The following TEX15 variants were observed in gnomAD, a reference collection of about 807,000 sequenced individuals.
The protein encoded by TEX15 is testis-expressed protein 15.
TEX15 carries 171 observed loss-of-function variants against 237.3 expected under a neutral mutation model. The observed-to-expected ratio is 0.72, with a 90% CI of 0.64 to 0.82. The LOEUF (loss-of-function observed/expected upper bound fraction) is 0.82. Among genes scored for constraint, TEX15 ranks in the 40% least tolerant of loss-of-function variants. The probability of loss-of-function intolerance (pLI) is 0.00; values close to 1 mark genes in which losing one functional copy is unlikely to be tolerated. For synonymous variants in TEX15, 1,338 were observed against 1,269.8 expected (o/e 1.05, Z -1.14); for missense variants, 3,750 against 3,646.5 (o/e 1.03, Z -0.73).
Position 30,847,819 on chromosome 8 carries a change from A to AT in TEX15, c.2347dup (p.Ile783AsnfsTer5). The AT allele has an allele frequency of 6.2e-7, 1 of 1,613,934 alleles. No individual in the cohort carries two copies. The highest frequency in any genetic ancestry group is 8.5e-7 in the Non-Finnish European group (1 of 1,179,952). ...AGCTGTTTCTATGTTATAAGATGAA[A>AT]TAACTGTATCAATGAACATTTCTTT... On this transcript the variant is annotated frameshift_variant, in exon 8 of 11. Coordinates refer to ENST00000643185, the MANE Select transcript of TEX15 (RefSeq NM_001350162.2). LOFTEE classifies it high-confidence loss of function.
rs779679671 is a variant in TEX15 at position 30,847,665 on chromosome 8, A to T, written c.2502T>A (p.Gly834=). The part of the protein sequence containing the change: ...YKETAYVEDR[G]QDHNLFCNSQ... Reference sequence around the variant, plus strand: ...AATTACAGAACAGATTGTGATCCTGACCCCTATCTTCAACATAAGCAGTTT... The same window carrying T: ...AATTACAGAACAGATTGTGATCCTGTCCCCTATCTTCAACATAAGCAGTTT... The change falls in exon 8 of 11, where the codon GGT becomes GGA. Residue 834 remains glycine (G), a synonymous_variant. Transcript: ENST00000643185. 127 of 1,613,678 alleles carry T rather than the reference A, an allele frequency of 7.9e-5. No individual in the cohort carries two copies. Among genetic ancestry groups the T allele is most frequent in the Non-Finnish European group, 1.0e-4 (120 of 1,179,894 alleles).
At chr8:30,898,274 G>T (rs1015933003) in intron 2 of TEX15, among the ~76,000 whole-genome samples, 1 of 152,102 alleles carries the variant, frequency 6.6e-6, no homozygotes, top group African/African-American at 2.4e-5. Flanking sequence ...GTATTAAGAG[G>T]TGAGGCCTTT....
chr8:30,852,678 T>C (rs1221909936), intron 7 of TEX15, among the ~76,000 whole-genome samples: 1 of 151,698 alleles, frequency 6.6e-6, no homozygotes. Context: ...CCTGTTTCCC[T>C]AAAAACCTAC....
intron 9 of TEX15, among the ~76,000 whole-genome samples, chr8:30,838,930 C>T (rs1220060072): frequency 6.6e-6 from 1 of 150,454 alleles, no homozygotes; most frequent in African/African-American, 2.4e-5. Context: ...ATTCTCCTGC[C>T]TCAGCCTCCC....
chr8:30,885,011 T>C (rs186610184), intron 3 of TEX15, among the ~76,000 whole-genome samples: 14 of 152,342 alleles, frequency 9.2e-5, no homozygotes, highest in Admixed American at 7.8e-4. Context: ...CCTACAAATT[T>C]TGTTTTCCTT....
Position 30,837,775 on chromosome 8 carries a change from A to T in TEX15, c.8509T>A (p.Cys2837Ser), listed in dbSNP as rs749309196. The T allele has an allele frequency of 1.9e-6, 3 of 1,614,198 alleles. No individual in the cohort carries two copies. The highest frequency in any genetic ancestry group is 4.5e-5 in the East Asian group (2 of 44,876). The change falls in exon 10 of 11, where the codon TGT (cysteine) becomes AGT (serine). Residue 2837 changes from cysteine (C) to serine (S), a missense_variant. Transcript: ENST00000643185. ...AAETKSDKKDCAAFAICDQKS... is the reference protein window; with the variant it reads ...AAETKSDKKDSAAFAICDQKS... ...TGGTCACAAATTGCAAAAGCAGCAC[A>T]ATCTTTCTTATCACTTTTTGTTTCA...
intron 1 of TEX15, among the ~76,000 whole-genome samples, chr8:30,907,580 AT>A (rs975204069): frequency 1.6e-4 from 23 of 144,828 alleles, no homozygotes; most frequent in Non-Finnish European, 2.9e-4. Flanking sequence ...TTATATATAA[AT>A]TAATATACAT....
chr8:30,837,221 C>T lies in TEX15; in HGVS notation c.9063G>A (p.Gln3021=), dbSNP rs760658344. ...AATTATATGTTGGGTTACATGCAGA[C>T]TGTGGAAGTTCATTCCAATATGTGG... ...NAATYWNELP[Q]SACNPTYNSS... The change falls in exon 10 of 11, where the codon CAG becomes CAA. Residue 3021 remains glutamine (Q), a synonymous_variant. Transcript: ENST00000643185. The T allele has an allele frequency of 6.2e-7, 1 of 1,614,078 alleles. No individual in the cohort carries two copies. The highest frequency in any genetic ancestry group is 1.1e-5 in the South Asian group (1 of 91,082).
chr8:30,881,348 C>T (rs1024940466), intron 3 of TEX15, among the ~76,000 whole-genome samples: 2 of 151,996 alleles, frequency 1.3e-5, no homozygotes, highest in African/African-American at 2.4e-5. Flanking sequence ...CCATCTGGGC[C>T]TTAAACTTTC....
At chr8:30,883,459 T>G (rs1563268370) in intron 3 of TEX15, among the ~76,000 whole-genome samples, 1 of 152,078 alleles carries the variant, frequency 6.6e-6, no homozygotes, top group Admixed American at 6.6e-5. Flanking sequence ...TGTGCCATGG[T>G]GGTTTGCTGC....
chr8:30,845,475 A>T lies in TEX15; in HGVS notation c.4692T>A (p.Asp1564Glu). The change falls in exon 8 of 11, where the codon GAT becomes GAA. Residue 1564 changes from aspartate to glutamate, a missense_variant. Transcript: ENST00000643185. ...GATTTTCTTTTTCTATTAGTTTCTC[A>T]TCTGAGTGGTCTGGGGAAAACAGAT... ...TAYLFSPDHSDEKLIEKENQI... is the reference protein window; with the variant it reads ...TAYLFSPDHSEEKLIEKENQI... 6.2e-7 allele frequency: 1 copy of T among 1,613,318 alleles called. No homozygotes were observed. The highest frequency in any genetic ancestry group is 8.5e-7 in the Non-Finnish European group (1 of 1,179,504).
intron 2 of TEX15, among the ~76,000 whole-genome samples, chr8:30,889,935 A>ATATATATATACATATATATATATATACG (rs1808751135): frequency 7.2e-5 from 6 of 82,804 alleles, no homozygotes; most frequent in Admixed American, 2.3e-4. Flanking sequence ...AGTTATATAC[A>ATATATATATACATATATATATATATACG]TATATATATA....
Position 30,901,318 on chromosome 8 carries a change from C to A in TEX15, c.-85-2501G>T, listed in dbSNP as rs371779796. ...ATTTAACTAAAGTTCCTATTAAATA[C>A]AAGAATTCTGTATTGATTAACATTT... is the stretch of plus-strand genomic sequence containing the variant. On this transcript the variant is annotated intron_variant, in intron 1 of 10. Coordinates refer to ENST00000643185, the MANE Select transcript of TEX15 (RefSeq NM_001350162.2). 1.8e-4 allele frequency among the ~76,000 whole-genome samples: 27 copies of A among 152,028 alleles called. 1 individual carries two copies. The highest frequency in any genetic ancestry group is 6.6e-5 in the Admixed American group (1 of 15,262).
chr8:30,840,572 G>C (rs75623884), intron 8 of TEX15, among the ~76,000 whole-genome samples: 10,659 of 152,152 alleles, frequency 0.07, 471 homozygotes, highest in African/African-American at 0.092. Context: ...CAGTTGCTAA[G>C]CCCCATCGAT....
rs1346308495 is a variant in TEX15 at position 30,831,688 on chromosome 8, G to C, written c.*1598C>G. The C allele has an allele frequency of 6.6e-6, 1 of 152,142 alleles. No individual in the cohort carries two copies. The highest frequency in any genetic ancestry group is 1.5e-5 in the Non-Finnish European group (1 of 68,010). 9.4% of individuals were successfully genotyped at this position (152,142 alleles called of 1,614,324 possible). A position where few individuals can be genotyped will look rare whatever the true frequency, so the allele number is the denominator to read the frequency against. On this transcript the variant is annotated 3_prime_UTR_variant, in exon 11 of 11. Coordinates refer to ENST00000643185, the MANE Select transcript of TEX15 (RefSeq NM_001350162.2). ...AAGACAATGTCAACAGAATCTGAAA[G>C]TTGTTTAAAGAAACAATCCTTAACT...
intron 5 of TEX15, among the ~76,000 whole-genome samples, chr8:30,862,347 A>G (rs1465899860): frequency 6.6e-6 from 1 of 152,172 alleles, no homozygotes; most frequent in East Asian, 1.9e-4. Context: ...AGCTGCTCAA[A>G]AGGATATTAC....
chr8:30,899,439 G>A (rs1465391967), intron 1 of TEX15, among the ~76,000 whole-genome samples: 10 of 151,992 alleles, frequency 6.6e-5, no homozygotes, highest in Admixed American at 3.3e-4. Flanking sequence ...TTCAAACTCC[G>A]TTCTTTTTGT....
intron 3 of TEX15, among the ~76,000 whole-genome samples, chr8:30,886,617 G>C (rs930960538): frequency 9.8e-5 from 15 of 152,328 alleles, no homozygotes; most frequent in African/African-American, 2.6e-4. Context: ...GTTCCTGCTG[G>C]GTAGGGGGTC....
rs1177315581 is a variant in TEX15, at chr8:30,846,223, T to C, written c.3944A>G (p.His1315Arg). The part of the protein sequence containing the change: ...HISSRDQNIP[H>R]KDLRRHKIYG... ...AATTTTATGTCGTCTTAAATCTTTA[T>C]GTGGTATGTTCTGATCCCTGGAAGA... Residue 1315 changes from histidine to arginine, a missense_variant, in exon 8 of 11, where the codon CAT (histidine) becomes CGT (arginine). Transcript: ENST00000643185. 6.2e-7 allele frequency: 1 copy of C among 1,613,328 alleles called. No individual in the cohort carries two copies. Among genetic ancestry groups the C allele is most frequent in the African/African-American group, 1.3e-5 (1 of 74,892 alleles).
Sources: gnomAD v4.1 joint callset for allele counts (sites outside exome capture counted in the v4.1 genomes callset) on GRCh38, gnomAD v4.1.1 for gene constraint, MANE v1.5 for transcripts, NCBI Gene and HGNC (gene_info 2026-07-23, HGNC 2026-07-21) for gene names.